Variants in GNAZ observed in about 807,000 individuals in gnomAD.
GNAZ encodes the protein G protein subunit alpha z.
GNAZ carries 3 observed loss-of-function variants against 25.4 expected under a neutral mutation model. That is an observed-to-expected ratio of 0.12 (90% CI 0.05 to 0.30). The LOEUF (loss-of-function observed/expected upper bound fraction) is 0.30, where lower values mean the gene tolerates loss of function less well. Ranked by LOEUF, GNAZ falls within the 10% of genes least tolerant of loss-of-function variation. The pLI is 1.00. For missense variants in GNAZ, 241 were observed against 501.8 expected (o/e 0.48, Z 4.97); for synonymous variants, 211 against 205.7 (o/e 1.03, Z -0.22).
rs559951017 is a variant in GNAZ at position 23,105,755 on chromosome 22, G to A, written c.723+9337G>A. Among the ~76,000 whole-genome samples the A allele has an allele frequency of 6.6e-5, 10 of 152,330 alleles. No individual in the cohort carries two copies. In the South Asian group the frequency reaches 1.4e-3, roughly 22 times the overall value. The stretch of plus-strand genomic sequence containing the variant: ...TGCTGTTTGTTAATTTCCCTTCAGC[G>A]ACTGACACTGGCTGGTGGGGAGCAG... On this transcript the variant is annotated intron_variant, in intron 2 of 2. Transcript: ENST00000615612.
intron 1 of GNAZ, among the ~76,000 whole-genome samples, chr22:23,081,067 T>C (rs2068663912): frequency 6.6e-6 from 1 of 152,226 alleles, no homozygotes; most frequent in Non-Finnish European, 1.5e-5. Context: ...ACTGGTGGGC[T>C]GTGACTGTAT....
chr22:23,073,819 G>C (rs5751574), intron 1 of GNAZ, among the ~76,000 whole-genome samples: 4 of 151,972 alleles, frequency 2.6e-5, no homozygotes, highest in East Asian at 1.9e-4. Context: ...CAGCAGGGAC[G>C]TAGCATCCAC....
At chr22:23,081,936 T>C (rs2068690914) in intron 1 of GNAZ, among the ~76,000 whole-genome samples, 1 of 150,132 alleles carries the variant, frequency 6.7e-6, no homozygotes, top group Admixed American at 6.6e-5. Context: ...CCATCCTGGC[T>C]AACACAGTGA....
At chr22:23,084,518 G>A (rs1016224469) in intron 1 of GNAZ, among the ~76,000 whole-genome samples, 23 of 152,226 alleles carry the variant, frequency 1.5e-4, no homozygotes, top group Non-Finnish European at 2.9e-5. Context: ...TGTAGGTGTT[G>A]TATCAAAAGC....
intron 2 of GNAZ, among the ~76,000 whole-genome samples, chr22:23,115,987 C>G (rs1346231796): frequency 1.3e-5 from 2 of 152,228 alleles, no homozygotes; most frequent in African/African-American, 4.8e-5. Context: ...CCAAGCACAC[C>G]AGGAAGGTGC....
intron 1 of GNAZ, among the ~76,000 whole-genome samples, chr22:23,074,368 G>T (rs1014901818): frequency 1.3e-5 from 2 of 152,190 alleles, no homozygotes; most frequent in Non-Finnish European, 2.9e-5. Flanking sequence ...TTTTAAAGCT[G>T]CAGCTTTTAA....
intron 1 of GNAZ, among the ~76,000 whole-genome samples, chr22:23,083,608 G>A (rs1045333408): frequency 5.3e-5 from 8 of 152,114 alleles, no homozygotes; most frequent in Admixed American, 2.0e-4. Flanking sequence ...ACCAACCTGC[G>A]GTGGGTACCC....
rs1479657759 is a variant in GNAZ at position 23,095,490 on chromosome 22, C to A, written c.-206C>A. 3.9e-5 allele frequency: 23 copies of A among 590,056 alleles called. No individual in the cohort carries two copies. The East Asian group carries it at 6.3e-4, about 16-fold the overall frequency. 36.6% of individuals were successfully genotyped at this position (590,056 alleles called of 1,614,324 possible). ...GAGTGTCACTAGTGGGGAGGGGCGG[C>A]CACCGCCCGCTGCACAGAGCGCCAT... On this transcript the variant is annotated 5_prime_UTR_variant, in exon 2 of 3. Transcript: ENST00000615612.
At chr22:23,079,155 C>T (rs748246094) in intron 1 of GNAZ, among the ~76,000 whole-genome samples, 17 of 152,158 alleles carry the variant, frequency 1.1e-4, no homozygotes, top group Admixed American at 2.0e-4. Context: ...AAGAGGTGGG[C>T]GATAAACACT....
Position 23,121,720 on chromosome 22 carries a change from CTTT to C in GNAZ, c.724-1350_724-1348del, listed in dbSNP as rs10598505. On this transcript the variant is annotated intron_variant, in intron 2 of 2. Transcript: ENST00000615612. ...TGATGTAGTCTAGTCAGAAAAGTTC[CTTT>C]TTTTTTTTTTTTTTTTGAGACAGAG... is the stretch of plus-strand genomic sequence containing the variant. 9.5e-3 allele frequency among the ~76,000 whole-genome samples: 1,172 copies of C among 123,138 alleles called. 7 individuals carry two copies. The highest frequency in any genetic ancestry group is 0.026 in the African/African-American group (832 of 31,630). 80.8% of individuals were successfully genotyped at this position (123,138 alleles called of 152,430 possible).
intron 1 of GNAZ, among the ~76,000 whole-genome samples, chr22:23,080,254 C>T (rs146681443): frequency 2.0e-5 from 3 of 152,334 alleles, no homozygotes; most frequent in African/African-American, 4.8e-5. Flanking sequence ...ACACTATCAC[C>T]CTTTGTCTGG....
At chr22:23,111,153 C>T (rs577894688) in intron 2 of GNAZ, among the ~76,000 whole-genome samples, 174 of 152,318 alleles carry the variant, frequency 1.1e-3, no homozygotes, top group African/African-American at 4.0e-3. Flanking sequence ...TGAGCCTCTG[C>T]CGGGGAGTGG....
intron 1 of GNAZ, among the ~76,000 whole-genome samples, chr22:23,086,383 C>T (rs988364000): frequency 1.3e-5 from 2 of 152,218 alleles, no homozygotes; most frequent in African/African-American, 2.4e-5. Context: ...CATGAGATGA[C>T]GTGTGTGAGC....
At chr22:23,121,583 C>G (rs2070025083) in intron 2 of GNAZ, among the ~76,000 whole-genome samples, 1 of 152,166 alleles carries the variant, frequency 6.6e-6, no homozygotes, top group African/African-American at 2.4e-5. Flanking sequence ...CAGCTCGTGT[C>G]CAGCTGTGGT....
chr22:23,081,340 A>G (rs1217718472), intron 1 of GNAZ, among the ~76,000 whole-genome samples: 1 of 152,204 alleles, frequency 6.6e-6, no homozygotes, highest in Non-Finnish European at 1.5e-5. Context: ...TGTCTCTGAA[A>G]ATTGACAGAT....
chr22:23,090,763 C>A (rs1276887528), intron 1 of GNAZ, among the ~76,000 whole-genome samples: 1 of 152,218 alleles, frequency 6.6e-6, no homozygotes, highest in Non-Finnish European at 1.5e-5. Context: ...CCCAACCCTG[C>A]CCACCTGGAG....
intron 2 of GNAZ, among the ~76,000 whole-genome samples, chr22:23,108,805 A>C (rs1053867635): frequency 6.6e-6 from 1 of 152,224 alleles, no homozygotes; most frequent in Non-Finnish European, 1.5e-5. Flanking sequence ...GGCCACCCCA[A>C]GTGTTAGCAT....
At position 23,096,042 on chromosome 22, in the gene GNAZ, G is replaced by A. The variant is rs755263774; in HGVS notation, c.347G>A (p.Ser116Asn). The change falls in exon 2 of 3, where the codon AGC becomes AAC. Residue 116 changes from serine (S) to asparagine (N), a missense_variant. Ser to Asn is a conservative substitution (Grantham distance 46, BLOSUM62 1). Transcript: ENST00000615612. The stretch of plus-strand genomic sequence containing the variant: ...TTTGCGCTGACGGGCCCCGCTGAGA[G>A]CAAGGGCGAGATCACACCCGAGCTG... ...QLFALTGPAE[S>N]KGEITPELLG... The A allele has an allele frequency of 1.2e-6, 2 of 1,606,948 alleles. No individual in the cohort carries two copies. The highest frequency in any genetic ancestry group is 2.2e-5 in the South Asian group (2 of 91,068).
Position 23,095,692 on chromosome 22 carries a change from G to A in GNAZ, c.-4G>A. 6.2e-7 allele frequency: 1 copy of A among 1,601,376 alleles called. No individual in the cohort carries two copies. The highest frequency in any genetic ancestry group is 8.5e-7 in the Non-Finnish European group (1 of 1,173,960). ...TCCTTGTCTGGGCCCGCTGCTGCCA[G>A]ACCATGGGATGTCGGCAAAGCTCAG... is the stretch of plus-strand genomic sequence containing the variant. On this transcript the variant is annotated 5_prime_UTR_variant, in exon 2 of 3. Coordinates refer to ENST00000615612, the MANE Select transcript of GNAZ (RefSeq NM_002073.4).
Sources: gnomAD v4.1 joint callset for allele counts (sites outside exome capture counted in the v4.1 genomes callset) on GRCh38, gnomAD v4.1.1 for gene constraint, MANE v1.5 for transcripts, NCBI Gene and HGNC (gene_info 2026-07-23, HGNC 2026-07-21) for gene names.